Variants in EPHA6 observed in about 807,000 individuals in gnomAD.
The protein encoded by EPHA6 is EPH receptor A6, also known as ephrin type-A receptor 6.
A neutral mutation model predicts 112.0 loss-of-function variants in EPHA6; 50 were observed. That is an observed-to-expected ratio of 0.45 (90% CI 0.36 to 0.56). The LOEUF is 0.56. Among genes scored for constraint, EPHA6 ranks in the 20% least tolerant of loss-of-function variants. The probability of loss-of-function intolerance (pLI) is 0.00; values close to 1 mark genes in which losing one functional copy is unlikely to be tolerated. For missense variants in EPHA6, 1,280 were observed against 1,417.4 expected (o/e 0.90, Z 1.56); for synonymous variants, 529 against 490.7 (o/e 1.08, Z -1.03).
intron 3 of EPHA6, among the ~76,000 whole-genome samples, chr3:97,103,976 T>C (rs984996927): frequency 1.3e-5 from 2 of 152,144 alleles, no homozygotes; most frequent in African/African-American, 4.8e-5. Flanking sequence ...GGAATGCTTG[T>C]CACTTTAATA....
At chr3:97,555,091 C>G (rs866778519) in intron 11 of EPHA6, among the ~76,000 whole-genome samples, 2 of 151,644 alleles carry the variant, frequency 1.3e-5, no homozygotes, top group Middle Eastern at 3.2e-3. Context: ...TCCCCCCACC[C>G]CACAACAGTC....
chr3:97,333,773 C>T (rs2082921868), intron 5 of EPHA6, among the ~76,000 whole-genome samples: 1 of 152,062 alleles, frequency 6.6e-6, no homozygotes, highest in Admixed American at 6.6e-5. Context: ...CCTATCGTGC[C>T]TGGCCCACTC....
At chr3:97,678,903 C>T (rs747015701) in intron 14 of EPHA6, among the ~76,000 whole-genome samples, 3 of 152,074 alleles carry the variant, frequency 2.0e-5, no homozygotes, top group Non-Finnish European at 4.4e-5. Flanking sequence ...ATAATTAAGT[C>T]AGTGTGTACC....
intron 3 of EPHA6, among the ~76,000 whole-genome samples, chr3:97,041,706 A>G (rs1166705170): frequency 2.0e-5 from 3 of 152,080 alleles, no homozygotes; most frequent in Non-Finnish European, 2.9e-5. Context: ...CATAGCTGGG[A>G]GGCCTTAGGA....
rs992838977 is a variant in EPHA6, at chr3:97,595,506, A to C, written c.2512+2769A>C. On this transcript the variant is annotated intron_variant, in intron 12 of 17. Transcript: ENST00000389672. ...TAAAAATACAAAAAATTAGCTGGGCATGGTGGCGGGCACCTGTAATCTCAG... is the reference window on the plus strand; with the variant it reads ...TAAAAATACAAAAAATTAGCTGGGCCTGGTGGCGGGCACCTGTAATCTCAG... Among the ~76,000 whole-genome samples, 4 of 152,000 alleles carry C rather than the reference A, an allele frequency of 2.6e-5. No homozygotes were observed. The South Asian group carries it at 8.3e-4, about 32-fold the overall frequency.
chr3:96,944,144 C>G (rs146564369), intron 2 of EPHA6, among the ~76,000 whole-genome samples: 251 of 152,260 alleles, frequency 1.6e-3, no homozygotes, highest in Non-Finnish European at 1.5e-3. Flanking sequence ...CAAAACCATG[C>G]TAGTTAGACT....
chr3:97,149,141 G>C (rs2076110381), intron 3 of EPHA6, among the ~76,000 whole-genome samples: 1 of 152,030 alleles, frequency 6.6e-6, no homozygotes, highest in African/African-American at 2.4e-5. Context: ...TTTTTGGCTT[G>C]CTTTCTCTGG....
intron 14 of EPHA6, among the ~76,000 whole-genome samples, chr3:97,663,846 C>A (rs2094187106): frequency 6.6e-6 from 1 of 151,986 alleles, no homozygotes; most frequent in African/African-American, 2.4e-5. Flanking sequence ...TTTGGTATAT[C>A]CCCAGTAATG....
chr3:96,866,970 G>C, intron 2 of EPHA6, 81 bp downstream of exon 2: 1 of 750,252 alleles, frequency 1.3e-6, no homozygotes, highest in Non-Finnish European at 2.0e-6. Context: ...GTGAATTTTG[G>C]GCCCTACTTG....
chr3:96,879,828 G>C (rs1576219778), intron 2 of EPHA6, among the ~76,000 whole-genome samples: 2 of 152,054 alleles, frequency 1.3e-5, no homozygotes, highest in East Asian at 1.9e-4. Context: ...GGTGCATAGA[G>C]TGCTACCAAT....
intron 9 of EPHA6, among the ~76,000 whole-genome samples, chr3:97,480,879 G>C (rs1253406412): frequency 1.3e-5 from 2 of 152,082 alleles, no homozygotes; most frequent in African/African-American, 2.4e-5. Context: ...TCCCAGACGG[G>C]GTGGCAGAGC....
intron 14 of EPHA6, among the ~76,000 whole-genome samples, chr3:97,672,390 C>G (rs1330630674): frequency 6.6e-6 from 1 of 151,994 alleles, no homozygotes; most frequent in African/African-American, 2.4e-5. Flanking sequence ...ATTATTAGTT[C>G]TGAAAAATTA....
intron 10 of EPHA6, among the ~76,000 whole-genome samples, chr3:97,522,121 A>G (rs1044432589): frequency 6.6e-6 from 1 of 151,988 alleles, no homozygotes; most frequent in Non-Finnish European, 1.5e-5. Context: ...TATGTTGCTC[A>G]GTCTGGTCTC....
chr3:97,078,029 A>G (rs1320602377), intron 3 of EPHA6, among the ~76,000 whole-genome samples: 2 of 152,066 alleles, frequency 1.3e-5, no homozygotes, highest in Non-Finnish European at 2.9e-5. Context: ...TAGTGTTCCT[A>G]TTTCTCCACA....
At chr3:97,187,582 CA>C (rs756097255) in intron 3 of EPHA6, among the ~76,000 whole-genome samples, 301 of 26,554 alleles carry the variant, frequency 0.011, 1 homozygote, top group East Asian at 0.021. Flanking sequence ...CTCAAAACGT[CA>C]AAAAAAAAAA....
intron 7 of EPHA6, among the ~76,000 whole-genome samples, chr3:97,461,062 C>T (rs1186135845): frequency 1.3e-5 from 2 of 152,120 alleles, no homozygotes; most frequent in African/African-American, 4.8e-5. Flanking sequence ...CGTGATCATT[C>T]GAAGTTAACT....
chr3:97,557,569 A>G (rs898883060), intron 11 of EPHA6, among the ~76,000 whole-genome samples: 21 of 151,912 alleles, frequency 1.4e-4, no homozygotes, highest in African/African-American at 3.6e-4. Context: ...TCTTTTTAAT[A>G]TTAATTCTGA....
At chr3:96,941,908 C>T (rs1029337633) in intron 2 of EPHA6, among the ~76,000 whole-genome samples, 2 of 143,766 alleles carry the variant, frequency 1.4e-5, no homozygotes, top group African/African-American at 6.0e-5. Flanking sequence ...GGCTGTAGAA[C>T]AGCGGTGGCT....
At chr3:97,298,680 G>C (rs372773880) in intron 5 of EPHA6, among the ~76,000 whole-genome samples, 2 of 151,818 alleles carry the variant, frequency 1.3e-5, no homozygotes, top group African/African-American at 4.8e-5. Context: ...ATATTATTTA[G>C]TTATTATTTC....
Sources: gnomAD v4.1 joint callset for allele counts (sites outside exome capture counted in the v4.1 genomes callset) on GRCh38, gnomAD v4.1.1 for gene constraint, MANE v1.5 for transcripts, NCBI Gene and HGNC (gene_info 2026-07-23, HGNC 2026-07-21) for gene names.